UBR2: variants seen among roughly 807,000 people sequenced by gnomAD.
UBR2 encodes the protein E3 ubiquitin-protein ligase UBR2.
A neutral mutation model predicts 247.9 loss-of-function variants in UBR2; 92 were observed. The ratio of observed to expected loss-of-function variants is 0.37; its 90% confidence interval spans 0.31 to 0.44. The LOEUF (loss-of-function observed/expected upper bound fraction) is 0.44. UBR2 is among the 20% of genes least tolerant of loss of function. The pLI is 1.00. For missense variants in UBR2, 1,613 were observed against 2,112.6 expected, an observed-to-expected ratio of 0.76 and a Z score of 4.64; for synonymous variants, 672 against 693.5, an observed-to-expected ratio of 0.97 and a Z score of 0.49.
chr6:42,614,749 A>G lies in UBR2; in HGVS notation c.986-322A>G, dbSNP rs75176404. Among the ~76,000 whole-genome samples the G allele has an allele frequency of 5.1e-4, 77 of 152,206 alleles. 2 individuals are homozygous for G. In the East Asian group the frequency reaches 8.3e-3, roughly 16 times the overall value. On this transcript the variant is annotated intron_variant, in intron 8 of 46. Transcript: ENST00000372901. Reference sequence around the variant, plus strand: ...TTCACTGTAATCTGGTTTAATTAGCATAAGTGCTTGAAGAACAATATTAAG... The same window carrying G: ...TTCACTGTAATCTGGTTTAATTAGCGTAAGTGCTTGAAGAACAATATTAAG...
chr6:42,687,559 G>A (rs1464465338), intron 44 of UBR2, among the ~76,000 whole-genome samples: 1 of 126,668 alleles, frequency 7.9e-6, no homozygotes, highest in Non-Finnish European at 1.8e-5. Flanking sequence ...TTTATTTATT[G>A]AGACAGGGTC....
At chr6:42,675,948 C>G in intron 38 of UBR2, 108 bp from the exon 39 acceptor site, 1 of 1,455,624 alleles carries the variant, frequency 6.9e-7, no homozygotes, top group Non-Finnish European at 9.1e-7. Flanking sequence ...CAGAGTAAGA[C>G]TCTGTCTCAA....
At chr6:42,684,137 C>G (rs565245561) in intron 43 of UBR2, among the ~76,000 whole-genome samples, 19 of 152,096 alleles carry the variant, frequency 1.2e-4, no homozygotes, top group African/African-American at 4.6e-4. Context: ...AACAGTAATC[C>G]TCAACTAGAA....
Position 42,564,037 on chromosome 6 carries a change from C to T in UBR2, c.-283C>T. The T allele has an allele frequency of 2.1e-6, 1 of 478,842 alleles. No homozygotes were observed. Among genetic ancestry groups the T allele is most frequent in the Non-Finnish European group, 3.7e-6 (1 of 271,972 alleles). The allele number at this position is 478,842 out of a possible 1,614,324, so 29.7% of individuals were successfully genotyped here. On this transcript the variant is annotated 5_prime_UTR_variant, in exon 1 of 47. Transcript: ENST00000372901. ...TCCTGGTGCAGGACGCGGTAGTGGC[C>T]AGCGAGAGTGTCAGGCCTGGGGTTT...
rs901024519 is a variant in UBR2, at chr6:42,678,394, T to C, written c.4479-145T>C. On this transcript the variant is annotated intron_variant, in intron 40 of 46. Coordinates refer to ENST00000372901, the MANE Select transcript of UBR2 (RefSeq NM_001363705.2). Reference sequence around the variant, plus strand: ...ACCACTTACACCTGGCATCCTATAATAACACACACCCACTTGCCTGTTAAC... The same window carrying C: ...ACCACTTACACCTGGCATCCTATAACAACACACACCCACTTGCCTGTTAAC... The C allele has an allele frequency of 7.5e-6, 6 of 796,242 alleles. No homozygotes were observed. The African/African-American group carries it at 8.8e-5, about 12-fold the overall frequency. 49.3% of individuals were successfully genotyped at this position (796,242 alleles called of 1,614,324 possible).
Position 42,670,195 on chromosome 6 carries a change from C to T in UBR2, c.3985C>T (p.Pro1329Ser). The stretch of plus-strand genomic sequence containing the variant: ...TCCCAATGAAGAGGATCCTCGTGTT[C>T]CCATAATGTGTTGGGGTAGCTGCGC... ...VHPNEEDPRV[P>S]IMCWGSCAYT... is the part of the protein sequence containing the mutation. The change falls in exon 35 of 47, where the codon CCC (proline) becomes TCC (serine). Residue 1329 changes from proline (P) to serine (S), a missense_variant. Transcript: ENST00000372901. 6.2e-7 allele frequency: 1 copy of T among 1,614,148 alleles called. No individual in the cohort carries two copies. The highest frequency in any genetic ancestry group is 8.5e-7 in the Non-Finnish European group (1 of 1,180,024).
In UBR2 at chr6:42,632,892, A is replaced by G. The variant is rs1795834582; in HGVS notation, c.1533A>G (p.Leu511=). ...LEGFDAFLEL[L]KCMQGMDPIT... The stretch of plus-strand genomic sequence containing the variant: ...GGTTTGATGCCTTTTTGGAATTACT[A>G]AAATGTATGCAGGTATGTAAAAACT... Residue 511 remains leucine, a synonymous_variant, in exon 13 of 47, where the codon CTA becomes CTG. Transcript: ENST00000372901. 2 of 1,586,796 alleles carry G rather than the reference A, an allele frequency of 1.3e-6. No individual in the cohort carries two copies. Among genetic ancestry groups the G allele is most frequent in the South Asian group, 1.2e-5 (1 of 85,494 alleles).
rs1799624802 is a variant in UBR2, at chr6:42,689,397, A to G, written c.5025-172A>G. 6.6e-6 allele frequency among the ~76,000 whole-genome samples: 1 copy of G among 152,200 alleles called. No homozygotes were observed. The highest frequency in any genetic ancestry group is 1.9e-4 in the East Asian group (1 of 5,202). On this transcript the variant is annotated intron_variant, in intron 45 of 46. Transcript: ENST00000372901. This position sits in a 1 kb window ranked among gnomAD's most constrained non-coding sequence, Gnocchi z 4.0. ...TGTCTCAAAGGGATCAGGGGACACAAATTTGACTCGATTCAACCTATTTCC... is the reference window on the plus strand; with the variant it reads ...TGTCTCAAAGGGATCAGGGGACACAGATTTGACTCGATTCAACCTATTTCC...
intron 13 of UBR2, among the ~76,000 whole-genome samples, chr6:42,633,460 AG>A (rs1795887224): frequency 6.6e-6 from 1 of 151,082 alleles, no homozygotes; most frequent in Middle Eastern, 3.6e-3. Context: ...GCGCAATCTC[AG>A]CTCACTGCAA....
intron 2 of UBR2, among the ~76,000 whole-genome samples, chr6:42,580,823 G>A (rs1430123320): frequency 6.6e-6 from 1 of 152,140 alleles, no homozygotes; most frequent in African/African-American, 2.4e-5. Context: ...TTACAGGCGT[G>A]AGCCACCGCG....
At chr6:42,640,381 A>C (rs1382205399) in intron 16 of UBR2, 111 bp downstream of exon 16, 14 of 488,922 alleles carry the variant, frequency 2.9e-5, no homozygotes, top group East Asian at 4.0e-5. Context: ...CAGAACCAGT[A>C]AGGTGTGTGT....
rs1250760448 is a variant in UBR2 at position 42,573,942 on chromosome 6, C to T, written c.287C>T (p.Ser96Phe). ...AAACTTGAGCAAGCAAACAAACCTT[C>T]TCATCTTTGTGGTCGTGTTTTTAAA... is the stretch of plus-strand genomic sequence containing the variant. The part of the protein sequence containing the change: ...FPKLEQANKP[S>F]HLCGRVFKVG... The change falls in exon 2 of 47, where the codon TCT becomes TTT. Residue 96 changes from serine (S) to phenylalanine (F), a missense_variant. By Grantham distance (155) the Ser-to-Phe change is radical. Transcript: ENST00000372901. 6.2e-7 allele frequency: 1 copy of T among 1,612,954 alleles called. No individual in the cohort carries two copies.
rs869058518 is a variant in UBR2 at position 42,682,441 on chromosome 6, AT to A, written c.4719-601del. ...ATATTTTACCACACTAAAAAAAAAA[AT>A]TTTTTTTTTTTTAAGTCTCACTCTG... On this transcript the variant is annotated intron_variant, in intron 42 of 46. Transcript: ENST00000372901. Among the ~76,000 whole-genome samples the A allele has an allele frequency of 8.1e-3, 1,172 of 144,954 alleles. 9 individuals are homozygous for A. Among genetic ancestry groups the A allele is most frequent in the African/African-American group, 0.026 (992 of 37,680 alleles).
At chr6:42,627,206 G>A (rs1795406531) in intron 11 of UBR2, among the ~76,000 whole-genome samples, 1 of 152,148 alleles carries the variant, frequency 6.6e-6, no homozygotes, top group African/African-American at 2.4e-5. Context: ...TCCTAGGTGG[G>A]GGCCATAAGA....
At chr6:42,665,609 T>A in intron 33 of UBR2, 97 bp downstream of exon 33, 1 of 972,066 alleles carries the variant, frequency 1.0e-6, no homozygotes. Flanking sequence ...AACCTCCCAT[T>A]TAAAATTTTG....
intron 8 of UBR2, among the ~76,000 whole-genome samples, chr6:42,614,220 A>G (rs1280541690): frequency 5.4e-5 from 2 of 37,216 alleles, no homozygotes; most frequent in Admixed American, 2.9e-4. Flanking sequence ...ATATATATAC[A>G]CACACACACA....
At chr6:42,566,983 C>CT (rs1289026980) in intron 1 of UBR2, among the ~76,000 whole-genome samples, 1 of 152,112 alleles carries the variant, frequency 6.6e-6, no homozygotes, top group East Asian at 1.9e-4. Context: ...TAGGCTTCAG[C>CT]TTTTTTATCA....
At chr6:42,684,931 A>C in intron 44 of UBR2, 60 bp downstream of exon 44, 2 of 1,339,392 alleles carry the variant, frequency 1.5e-6, no homozygotes, top group Non-Finnish European at 2.1e-6. Flanking sequence ...TCTACAAAGA[A>C]TTTGAAGGAT....
chr6:42,566,561 T>C (rs538688182), intron 1 of UBR2, among the ~76,000 whole-genome samples: 1 of 152,330 alleles, frequency 6.6e-6, no homozygotes, highest in East Asian at 1.9e-4. Flanking sequence ...CTAATTTTTG[T>C]ATTTTTAGTA....
Sources: gnomAD v4.1 joint callset for allele counts (sites outside exome capture counted in the v4.1 genomes callset) on GRCh38, gnomAD v4.1.1 for gene constraint, Gnocchi (gnomAD v3.1) non-coding constraint, MANE v1.5 for transcripts, NCBI Gene and HGNC (gene_info 2026-07-23, HGNC 2026-07-21) for gene names.